Variants in DENND6B observed in about 807,000 individuals in gnomAD.
DENND6B encodes protein DENND6B.
Under a neutral mutation model 85.1 loss-of-function variants are expected in DENND6B, and 73 were observed. The ratio of observed to expected loss-of-function variants is 0.86; its 90% CI spans 0.71 to 1.04. The LOEUF (loss-of-function observed/expected upper bound fraction) is 1.04, where lower values mean the gene tolerates loss of function less well. Among genes scored for constraint, DENND6B ranks in the 50% least tolerant of loss-of-function variants. The probability of loss-of-function intolerance (pLI) is 0.00; values close to 1 mark genes in which losing one functional copy is unlikely to be tolerated. For synonymous variants in DENND6B, 357 were observed against 329.3 expected, an observed-to-expected ratio of 1.08 and a Z score of -0.91; for missense variants, 715 against 785.8, an observed-to-expected ratio of 0.91 and a Z score of 1.08.
chr22:50,315,326 C>G lies in DENND6B; in HGVS notation c.758+388G>C, dbSNP rs76684576. On this transcript the variant is annotated intron_variant, in intron 9 of 19. Coordinates refer to ENST00000413817, the MANE Select transcript of DENND6B (RefSeq NM_001001794.4). ...GAGCAGGATGGTCTCAAAGCCCAGG[C>G]TCCCTTGCAGACTTGTCCAGAGGCA... Among the ~76,000 whole-genome samples, 936 of 152,330 alleles carry G rather than the reference C, an allele frequency of 6.1e-3. 13 individuals carry two copies. Among genetic ancestry groups the G allele is most frequent in the African/African-American group, 0.021 (892 of 41,576 alleles).
At chr22:50,315,597 C>A in intron 9 of DENND6B, 117 bp downstream of exon 9, 1 of 1,257,050 alleles carries the variant, frequency 8.0e-7, no homozygotes, top group South Asian at 1.5e-5. Flanking sequence ...CACACGTGCA[C>A]TCACGCAGAC....
Position 50,314,381 on chromosome 22 carries a change from A to G in DENND6B, c.1072+19T>C. The stretch of plus-strand genomic sequence containing the variant: ...GAGGCTTCTGAGCAGCACCCCCTGC[A>G]CCTCACCGGGAGCCTGACCTGACAT... On this transcript the variant is annotated intron_variant, in intron 12 of 19. Transcript: ENST00000413817. The G allele has an allele frequency of 6.4e-7, 1 of 1,564,184 alleles. No homozygotes were observed. The highest frequency in any genetic ancestry group is 8.7e-7 in the Non-Finnish European group (1 of 1,154,772).
At chr22:50,323,471 A>G (rs1268736942) in intron 1 of DENND6B, among the ~76,000 whole-genome samples, 2 of 151,652 alleles carry the variant, frequency 1.3e-5, no homozygotes, top group Non-Finnish European at 2.9e-5. Flanking sequence ...TTTTTAGTAG[A>G]GACAGGGTTT....
rs766554763 is a variant in DENND6B at position 50,312,581 on chromosome 22, C to T, written c.1502G>A (p.Arg501Gln). Residue 501 changes from arginine (R) to glutamine (Q), a missense_variant, in exon 18 of 20, where the codon CGG becomes CAG. Physicochemically the swap from Arg to Gln is conservative, Grantham distance 43. Coordinates refer to ENST00000413817, the MANE Select transcript of DENND6B (RefSeq NM_001001794.4). The stretch of plus-strand genomic sequence containing the variant: ...CAGCTTCAGGGCCATCTCCTTGTGC[C>T]GCTGCCGGTACCAGCCATCAAAATG... ...SPHFDGWYRQ[R>Q]HKEMALKLEA... 12 of 1,590,904 alleles carry T rather than the reference C, an allele frequency of 7.5e-6. No individual in the cohort carries two copies. Among genetic ancestry groups the T allele is most frequent in the South Asian group, 3.4e-5 (3 of 88,120 alleles).
chr22:50,320,042 CCCTGCAATGTCTCCTGGGCTG>C (rs1483371350), intron 1 of DENND6B, among the ~76,000 whole-genome samples: 10 of 152,208 alleles, frequency 6.6e-5, no homozygotes, highest in Non-Finnish European at 1.3e-4. Flanking sequence ...TCCCAGTGGG[CCCTGCAATGTCTCCTGGGCTG>C]CCTGAAGCCT....
rs1382193295 is a variant in DENND6B, at chr22:50,315,772, G to A, written c.703-3C>T. ...ACCACTGGGGCTGGCAGCAGGTTCT[G>A]AGAGGAGGAGAGTGAAGGTCAGGGC... On this transcript the variant is annotated splice_region_variant and splice_polypyrimidine_tract_variant and intron_variant, in intron 8 of 19. Coordinates refer to ENST00000413817, the MANE Select transcript of DENND6B (RefSeq NM_001001794.4). 2 of 1,527,440 alleles carry A rather than the reference G, an allele frequency of 1.3e-6. No individual in the cohort carries two copies. The highest frequency in any genetic ancestry group is 1.4e-5 in the African/African-American group (1 of 69,940). The allele number at this position is 1,527,440 out of a possible 1,614,324, so 94.6% of individuals were successfully genotyped here. A position where few individuals can be genotyped will look rare whatever the true frequency, so the allele number is the denominator to read the frequency against.
chr22:50,316,341 C>T (rs1480140504), intron 6 of DENND6B, 29 bp downstream of exon 6: 5 of 1,562,400 alleles, frequency 3.2e-6, no homozygotes, highest in African/African-American at 1.4e-5. Flanking sequence ...ATGATGAGAC[C>T]ACGATGGCCA....
chr22:50,314,137 C>A, intron 13 of DENND6B, 70 bp downstream of exon 13: 1 of 1,509,802 alleles, frequency 6.6e-7, no homozygotes. Flanking sequence ...CTGCCCCACC[C>A]GAGAGACCCG....
Position 50,326,829 on chromosome 22 carries a change from G to C in DENND6B, c.160C>G (p.Leu54Val). Reference sequence around the variant, plus strand: ...CCGCTCACCTCCAGCGCCTGGCCCAGCTCCAGGTCGAAGGTGACCACGCAC... The same window carrying C: ...CCGCTCACCTCCAGCGCCTGGCCCACCTCCAGGTCGAAGGTGACCACGCAC... ...CVCVVTFDLE[L>V]GQALELVYPN... Residue 54 changes from leucine (L) to valine (V), a missense_variant, in exon 1 of 20, where the codon CTG becomes GTG. Transcript: ENST00000413817. 7.7e-6 allele frequency: 11 copies of C among 1,434,920 alleles called. No homozygotes were observed. The highest frequency in any genetic ancestry group is 1.0e-5 in the Non-Finnish European group (11 of 1,099,134). 88.9% of individuals were successfully genotyped at this position (1,434,920 alleles called of 1,614,324 possible).
rs1205429129 is a variant in DENND6B, at chr22:50,310,949, G to GA, written c.*1189dup. ...ACAGAGCGAGACTCCATTTCAAAAAGAAAAAAAAAGAAAAAGTCCCTCCCC... is the reference window on the plus strand; with the variant it reads ...ACAGAGCGAGACTCCATTTCAAAAAGAAAAAAAAAAGAAAAAGTCCCTCCCC... On this transcript the variant is annotated 3_prime_UTR_variant, in exon 20 of 20. Transcript: ENST00000413817. The GA allele has an allele frequency of 4.0e-5, 6 of 150,546 alleles. No individual in the cohort carries two copies. The highest frequency in any genetic ancestry group is 1.9e-4 in the East Asian group (1 of 5,152). 9.3% of individuals were successfully genotyped at this position (150,546 alleles called of 1,614,324 possible). A position where few individuals can be genotyped will look rare whatever the true frequency, so the allele number is the denominator to read the frequency against.
chr22:50,314,240 G>C lies in DENND6B; in HGVS notation c.1105C>G (p.Pro369Ala). Residue 369 changes from proline to alanine, a missense_variant, in exon 13 of 20, where the codon CCT becomes GCT. By Grantham distance (27) the Pro-to-Ala change is conservative. Transcript: ENST00000413817. ...GTGTCCAGGGTCTTCAACCTTGAAGGCTTTTTCAGCTTGACTTGCTTAGGC... is the reference window on the plus strand; with the variant it reads ...GTGTCCAGGGTCTTCAACCTTGAAGCCTTTTTCAGCTTGACTTGCTTAGGC... ...DLPKQVKLKK[P>A]SRLKTLDTKP... 1 of 1,609,250 alleles carries C rather than the reference G, an allele frequency of 6.2e-7. No homozygotes were observed. Among genetic ancestry groups the C allele is most frequent in the Non-Finnish European group, 8.5e-7 (1 of 1,179,492 alleles).
chr22:50,315,497 C>T (rs1382537049), intron 9 of DENND6B, among the ~76,000 whole-genome samples: 1 of 152,214 alleles, frequency 6.6e-6, no homozygotes, highest in Non-Finnish European at 1.5e-5. Flanking sequence ...TCCCTCCTTC[C>T]TTCCAGAACT....
rs575833760 is a variant in DENND6B, at chr22:50,317,947, G to T, written c.333C>A (p.Asp111Glu). 2 of 1,611,606 alleles carry T rather than the reference G, an allele frequency of 1.2e-6. No homozygotes were observed. The highest frequency in any genetic ancestry group is 1.1e-5 in the South Asian group (1 of 91,084). The change falls in exon 4 of 20, where the codon GAC becomes GAA. Residue 111 changes from aspartate to glutamate, a missense_variant. Coordinates refer to ENST00000413817, the MANE Select transcript of DENND6B (RefSeq NM_001001794.4). ...GGGCCCTGCTGTTGTAGTGCCTGTC[G>T]TCGGCATGCCAGGGGCTCCTCTGCC... ...CGGQRSPWHA[D>E]DRHYNSRAPV...
intron 16 of DENND6B, 87 bp from the exon 17 acceptor site, chr22:50,313,195 T>G: frequency 7.5e-7 from 1 of 1,336,284 alleles, no homozygotes; most frequent in Non-Finnish European, 1.0e-6. Context: ...TCCTCACCAC[T>G]TCTGAAGACC....
rs973529612 is a variant in DENND6B at position 50,309,742 on chromosome 22, G to A, written c.*2397C>T. 5 of 152,324 alleles carry A rather than the reference G, an allele frequency of 3.3e-5. No individual in the cohort carries two copies. Among genetic ancestry groups the A allele is most frequent in the African/African-American group, 1.2e-4 (5 of 41,452 alleles). The allele number at this position is 152,324 out of a possible 1,614,324, so 9.4% of individuals were successfully genotyped here. ...AGGGAAATCTGCTTGTGCATTTCTG[G>A]ATACACAGTGGCCAGGGTCCCTGGG... is the stretch of plus-strand genomic sequence containing the variant. On this transcript the variant is annotated 3_prime_UTR_variant, in exon 20 of 20. Coordinates refer to ENST00000413817, the MANE Select transcript of DENND6B (RefSeq NM_001001794.4).
chr22:50,319,685 C>CTCACCTGGGATGGTCACG (rs2041982990), intron 1 of DENND6B, among the ~76,000 whole-genome samples: 2 of 152,088 alleles, frequency 1.3e-5, no homozygotes, highest in African/African-American at 4.8e-5. Flanking sequence ...CAGAGGGCCC[C>CTCACCTGGGATGGTCACG]GGTCGTGCTG....
At chr22:50,323,521 T>C (rs2042113471) in intron 1 of DENND6B, among the ~76,000 whole-genome samples, 1 of 151,090 alleles carries the variant, frequency 6.6e-6, no homozygotes, top group African/African-American at 2.4e-5. Flanking sequence ...TCTGAGCTCA[T>C]GCAATCCGCC....
chr22:50,325,469 T>C (rs1336447658), intron 1 of DENND6B, among the ~76,000 whole-genome samples: 1 of 151,456 alleles, frequency 6.6e-6, no homozygotes, highest in African/African-American at 2.4e-5. Context: ...CCCGAGTAGC[T>C]AGGACTACAG....
intron 1 of DENND6B, among the ~76,000 whole-genome samples, chr22:50,323,664 C>G (rs2147792668): frequency 6.6e-6 from 1 of 151,464 alleles, no homozygotes; most frequent in East Asian, 1.9e-4. Context: ...TCAAGTGCTC[C>G]TCCCACTGTG....
Sources: allele counts gnomAD v4.1 joint callset (sites outside exome capture counted in the v4.1 genomes callset), GRCh38; gene constraint gnomAD v4.1.1; transcripts MANE v1.5; gene names NCBI Gene and HGNC (gene_info 2026-07-23, HGNC 2026-07-21).